Variants in APBB2 observed in about 807,000 individuals in gnomAD.
APBB2 encodes the protein Fe65-like 1.
A neutral mutation model predicts 82.5 loss-of-function variants in APBB2; 38 were observed. The observed-to-expected ratio is 0.46, with a 90% CI of 0.36 to 0.60. The LOEUF is 0.60. Among genes scored for constraint, APBB2 ranks in the 20% least tolerant of loss-of-function variants. The probability of loss-of-function intolerance (pLI) is 0.00; values close to 1 mark genes in which losing one functional copy is unlikely to be tolerated. For missense variants in APBB2, 772 were observed against 972.3 expected (o/e 0.79, Z 2.74); for synonymous variants, 341 against 368.2 (o/e 0.93, Z 0.85).
At chr4:40,929,275 T>C (rs1424208401) in intron 10 of APBB2, among the ~76,000 whole-genome samples, 1 of 152,030 alleles carries the variant, frequency 6.6e-6, no homozygotes, top group African/African-American at 2.4e-5. Flanking sequence ...AGAGGAAATG[T>C]CCTGTGTCTA....
At chr4:40,924,406 C>T (rs7697426) in intron 10 of APBB2, among the ~76,000 whole-genome samples, 2,144 of 152,318 alleles carry the variant, frequency 0.014, 51 homozygotes, top group African/African-American at 0.049. Flanking sequence ...CTCCTTGTAA[C>T]GTGAACTTGC....
At chr4:40,907,344 ATTAC>A (rs1560860157) in intron 10 of APBB2, among the ~76,000 whole-genome samples, 2 of 73,936 alleles carry the variant, frequency 2.7e-5, no homozygotes, top group Non-Finnish European at 4.6e-5. Flanking sequence ...AATTTAATAT[ATTAC>A]ATATATATAT....
intron 4 of APBB2, among the ~76,000 whole-genome samples, chr4:41,052,754 T>TTTTC (rs950467216): frequency 2.0e-5 from 3 of 149,662 alleles, no homozygotes; most frequent in South Asian, 2.1e-4. Context: ...TTGGGACAAT[T>TTTTC]TTTCTTTCTT....
intron 7 of APBB2, among the ~76,000 whole-genome samples, chr4:40,942,803 T>G (rs1177434722): frequency 6.6e-6 from 1 of 152,058 alleles, no homozygotes; most frequent in Admixed American, 6.5e-5. Flanking sequence ...AGAGATGCAC[T>G]CTGCTACCTG....
chr4:40,855,709 C>CT (rs901012015), intron 12 of APBB2, among the ~76,000 whole-genome samples: 23 of 150,052 alleles, frequency 1.5e-4, no homozygotes, highest in African/African-American at 5.2e-4. Context: ...GCACTACAGG[C>CT]TGGGTGACAG....
chr4:40,948,774 A>AAG, intron 6 of APBB2, among the ~76,000 whole-genome samples: 1 of 149,656 alleles, frequency 6.7e-6, no homozygotes, highest in East Asian at 2.0e-4. Flanking sequence ...AAAAAAAAAA[A>AAG]AAAAAAAAAG....
chr4:41,193,711 A>G lies in APBB2; in HGVS notation c.-417+20694T>C. On this transcript the variant is annotated intron_variant, in intron 1 of 17. Coordinates refer to ENST00000508593, the MANE Select transcript of APBB2 (RefSeq NM_004307.2). ...GTTACAGCAACTGTCTGAAAAACAC[A>G]GGATAGCCCTAGGCAGGGTAGAAGA... The G allele has an allele frequency of 3.3e-3, 804 of 242,550 alleles. 7 individuals carry two copies. Among genetic ancestry groups the G allele is most frequent in the African/African-American group, 0.018 (758 of 43,118 alleles). 15.0% of individuals were successfully genotyped at this position (242,550 alleles called of 1,614,324 possible). A position where few individuals can be genotyped will look rare whatever the true frequency, so the allele number is the denominator to read the frequency against.
chr4:41,207,198 CAAAAAAAAAAAA>C lies in APBB2; in HGVS notation c.-417+7195_-417+7206del, dbSNP rs368548129. On this transcript the variant is annotated intron_variant, in intron 1 of 17. Transcript: ENST00000508593. ...TGGGCGACCAAGTGAGACTCCGTCT[CAAAAAAAAAAAA>C]AAAAAAAAAAAAAAAGGAAATAATT... Among the ~76,000 whole-genome samples, 559 of 67,410 alleles carry C rather than the reference CAAAAAAAAAAAA, an allele frequency of 8.3e-3. 2 individuals carry two copies. Among genetic ancestry groups the C allele is most frequent in the Non-Finnish European group, 0.011 (459 of 40,774 alleles). 44.2% of individuals were successfully genotyped at this position (67,410 alleles called of 152,430 possible). A position where few individuals can be genotyped will look rare whatever the true frequency, so the allele number is the denominator to read the frequency against.
intron 3 of APBB2, among the ~76,000 whole-genome samples, chr4:41,076,612 G>A (rs1276722210): frequency 1.3e-5 from 2 of 152,158 alleles, no homozygotes; most frequent in African/African-American, 4.8e-5. Flanking sequence ...TGGAAGACAA[G>A]GTGACTTCTG....
At chr4:40,882,575 G>A (rs1469556410) in intron 12 of APBB2, among the ~76,000 whole-genome samples, 1 of 152,200 alleles carries the variant, frequency 6.6e-6, no homozygotes, top group African/African-American at 2.4e-5. Context: ...GAAACAGGAA[G>A]CAAAGGAGGG....
intron 4 of APBB2, among the ~76,000 whole-genome samples, chr4:41,058,768 T>C (rs1030098810): frequency 1.3e-5 from 2 of 152,142 alleles, no homozygotes; most frequent in African/African-American, 4.8e-5. Flanking sequence ...TTAAAATTCT[T>C]TAATAGGATG....
intron 6 of APBB2, among the ~76,000 whole-genome samples, chr4:40,945,675 C>T (rs755368256): frequency 2.6e-5 from 4 of 152,022 alleles, no homozygotes; most frequent in Non-Finnish European, 5.9e-5. Context: ...TGCAGTGGTG[C>T]GATCCCGGCT....
chr4:41,041,102 G>A lies in APBB2; in HGVS notation c.-50-7798C>T, dbSNP rs141277955. 4.3e-3 allele frequency among the ~76,000 whole-genome samples: 647 copies of A among 152,170 alleles called. 6 individuals are homozygous for A. The highest frequency in any genetic ancestry group is 0.015 in the African/African-American group (607 of 41,520). On this transcript the variant is annotated intron_variant, in intron 4 of 17. Coordinates refer to ENST00000508593, the MANE Select transcript of APBB2 (RefSeq NM_004307.2). Reference sequence around the variant, plus strand: ...TCACCGTGTTAGCCAGGATGGTCTCGATCTCCTGATCTTGTGATTCCCCCA... The same window carrying A: ...TCACCGTGTTAGCCAGGATGGTCTCAATCTCCTGATCTTGTGATTCCCCCA...
chr4:41,063,869 G>A (rs1029480440), intron 4 of APBB2, among the ~76,000 whole-genome samples: 1 of 150,726 alleles, frequency 6.6e-6, no homozygotes, highest in Non-Finnish European at 1.5e-5. Flanking sequence ...TGTAGAGACA[G>A]GGTTTCATCA....
chr4:40,976,548 T>C (rs1315284451), intron 6 of APBB2, among the ~76,000 whole-genome samples: 1 of 152,148 alleles, frequency 6.6e-6, no homozygotes, highest in African/African-American at 2.4e-5. Flanking sequence ...TTTCCAACTT[T>C]TAAAAATTAG....
At chr4:41,170,860 C>G (rs552021720) in intron 1 of APBB2, among the ~76,000 whole-genome samples, 1 of 152,122 alleles carries the variant, frequency 6.6e-6, no homozygotes, top group African/African-American at 2.4e-5. Flanking sequence ...TTTTCAAAAG[C>G]CTGATATTAT....
At chr4:40,877,086 TG>T (rs1767110178) in intron 12 of APBB2, among the ~76,000 whole-genome samples, 1 of 152,200 alleles carries the variant, frequency 6.6e-6, no homozygotes. Flanking sequence ...TTAACCACAG[TG>T]GCTCAGCATA....
rs1750146169 is a variant in APBB2 at position 41,114,114 on chromosome 4, G to A, written c.-260-13364C>T. 2 of 152,388 alleles carry A rather than the reference G, an allele frequency of 1.3e-5. 1 individual carries two copies. The highest frequency in any genetic ancestry group is 1.3e-4 in the Admixed American group (2 of 15,294). The allele number at this position is 152,388 out of a possible 1,614,324, so 9.4% of individuals were successfully genotyped here. ...ACCCAATCTGGCAGCACATCAAAAA[G>A]CTTATCCACCACGATCAAGTTGGCT... On this transcript the variant is annotated intron_variant, in intron 2 of 17. Transcript: ENST00000508593.
chr4:41,183,571 G>A (rs942808529), intron 1 of APBB2, among the ~76,000 whole-genome samples: 15 of 152,078 alleles, frequency 9.9e-5, no homozygotes, highest in Admixed American at 2.6e-4. Context: ...AACACCATGT[G>A]AAGATGAAGG....
Sources: gnomAD v4.1 joint callset for allele counts (sites outside exome capture counted in the v4.1 genomes callset) on GRCh38, gnomAD v4.1.1 for gene constraint, MANE v1.5 for transcripts, NCBI Gene and HGNC (gene_info 2026-07-23, HGNC 2026-07-21) for gene names.